The following ACO2 variants were observed in gnomAD, a reference collection of about 807,000 sequenced individuals.
ACO2 encodes the protein aconitase 2, also known as aconitate hydratase, mitochondrial.
A neutral mutation model predicts 84.5 loss-of-function variants in ACO2; 31 were observed. The observed-to-expected ratio is 0.37, with a 90% CI of 0.28 to 0.50. The LOEUF is 0.50. Ranked by LOEUF, ACO2 falls within the 20% of genes least tolerant of loss-of-function variation. The probability of loss-of-function intolerance (pLI) is 0.97; values close to 1 mark genes in which losing one functional copy is unlikely to be tolerated. For synonymous variants in ACO2, 414 were observed against 412.7 expected (o/e 1.00, Z -0.04); for missense variants, 685 against 1,029.3 (o/e 0.67, Z 4.58).
At chr22:41,497,941 C>T (rs550712426) in intron 1 of ACO2, among the ~76,000 whole-genome samples, 18 of 151,692 alleles carry the variant, frequency 1.2e-4, no homozygotes, top group Middle Eastern at 6.8e-3. Context: ...TTCAAGAGAT[C>T]GAGAACATCC....
intron 1 of ACO2, among the ~76,000 whole-genome samples, chr22:41,477,715 G>A (rs1054818277): frequency 6.6e-6 from 1 of 152,120 alleles, no homozygotes; most frequent in African/African-American, 2.4e-5. Flanking sequence ...TCCAGCCCCT[G>A]CAGATGGCCC....
chr22:41,523,053 A>T (rs1482810902), intron 10 of ACO2, 66 bp downstream of exon 10: 1 of 1,595,794 alleles, frequency 6.3e-7, no homozygotes, highest in African/African-American at 1.3e-5. Flanking sequence ...CAGGCGGCAC[A>T]AGCCCAGAGG....
At chr22:41,527,623 G>A (rs2066630008) in intron 16 of ACO2, 1 of 846,120 alleles carries the variant, frequency 1.2e-6, no homozygotes, top group South Asian at 1.8e-5. Flanking sequence ...CTGCTTCCAG[G>A]CTTGTAGATC....
intron 16 of ACO2, 40 bp from the exon 17 acceptor site, chr22:41,527,861 T>TAGTC: frequency 1.2e-6 from 2 of 1,614,010 alleles, no homozygotes; most frequent in Non-Finnish European, 1.7e-6. Flanking sequence ...CTCTCCAGGC[T>TAGTC]AGTCAGGCCC....
intron 12 of ACO2, 50 bp downstream of exon 12, chr22:41,523,991 T>C: frequency 6.5e-7 from 1 of 1,547,978 alleles, no homozygotes; most frequent in Non-Finnish European, 8.9e-7. Context: ...TGGGGGTCCC[T>C]GGCGGGTCAG....
At chr22:41,480,004 C>T (rs572269353) in intron 1 of ACO2, among the ~76,000 whole-genome samples, 1 of 152,222 alleles carries the variant, frequency 6.6e-6, no homozygotes, top group Non-Finnish European at 1.5e-5. Context: ...AAAAGGACTG[C>T]ATCACTTTTG....
At chr22:41,520,321 T>C in intron 9 of ACO2, 45 bp downstream of exon 9, 10 of 1,517,856 alleles carry the variant, frequency 6.6e-6, no homozygotes, top group Non-Finnish European at 8.2e-6. Flanking sequence ...TCAGGGCCAG[T>C]GGCTCTGCCC....
chr22:41,490,663 C>T (rs906469467), intron 1 of ACO2, among the ~76,000 whole-genome samples: 4 of 152,104 alleles, frequency 2.6e-5, no homozygotes, highest in African/African-American at 9.7e-5. Context: ...TATGTATTAC[C>T]TAATTGTCTT....
chr22:41,528,341 G>C (rs2066647435), intron 17 of ACO2, 138 bp from the exon 18 acceptor site: 1 of 1,277,560 alleles, frequency 7.8e-7, no homozygotes, highest in Admixed American at 2.5e-5. Flanking sequence ...TGGGCCATCA[G>C]GCACAGACTG....
chr22:41,484,074 T>C (rs1368267506), intron 1 of ACO2, among the ~76,000 whole-genome samples: 2 of 152,170 alleles, frequency 1.3e-5, no homozygotes, highest in Non-Finnish European at 2.9e-5. Flanking sequence ...TTTGTTGTCT[T>C]TGGGGCAGGG....
chr22:41,526,560 C>A, intron 15 of ACO2, 107 bp downstream of exon 15: 1 of 1,314,960 alleles, frequency 7.6e-7, no homozygotes, highest in Non-Finnish European at 1.0e-6. Flanking sequence ...GGAGGCCGAC[C>A]AAGCCCAAAG....
intron 1 of ACO2, among the ~76,000 whole-genome samples, chr22:41,491,040 C>G (rs2066268159): frequency 6.6e-6 from 1 of 151,834 alleles, no homozygotes; most frequent in East Asian, 1.9e-4. Context: ...TCTCATAGGG[C>G]TGGGGATTCG....
intron 12 of ACO2, 125 bp downstream of exon 12, chr22:41,524,066 C>A: frequency 1.3e-6 from 1 of 782,874 alleles, no homozygotes. Context: ...TACAGGCCTT[C>A]CCAGCCTCAG....
intron 1 of ACO2, among the ~76,000 whole-genome samples, chr22:41,478,790 G>T (rs1175993752): frequency 7.2e-6 from 1 of 139,316 alleles, no homozygotes; most frequent in African/African-American, 2.7e-5. Context: ...TTTTTGAGAA[G>T]GAGTCTCACT....
At chr22:41,478,319 GT>G (rs1294517132) in intron 1 of ACO2, among the ~76,000 whole-genome samples, 1 of 151,590 alleles carries the variant, frequency 6.6e-6, no homozygotes, top group Non-Finnish European at 1.5e-5. Flanking sequence ...TGTATTTTTT[GT>G]TTTAGTAGAG....
intron 2 of ACO2, among the ~76,000 whole-genome samples, chr22:41,505,686 A>G (rs962613577): frequency 6.6e-6 from 1 of 152,092 alleles, no homozygotes. Context: ...AAAATACTTA[A>G]GATAATGCTG....
chr22:41,526,718 A>G (rs2066605334), intron 15 of ACO2: 1 of 425,822 alleles, frequency 2.3e-6, no homozygotes, highest in Non-Finnish European at 4.2e-6. Flanking sequence ...GACAAAGACA[A>G]GGAAGGGGGC....
At chr22:41,480,210 C>T (rs1447023670) in intron 1 of ACO2, among the ~76,000 whole-genome samples, 1 of 152,156 alleles carries the variant, frequency 6.6e-6, no homozygotes, top group Admixed American at 6.5e-5. Flanking sequence ...TCCTGTGTTG[C>T]CCACTTAGAC....
intron 1 of ACO2, among the ~76,000 whole-genome samples, chr22:41,482,592 G>A (rs921845133): frequency 2.0e-5 from 3 of 152,234 alleles, no homozygotes; most frequent in Non-Finnish European, 4.4e-5. Context: ...GTGCTATAAC[G>A]ATGCTTAGGA....
Sources: allele counts gnomAD v4.1 joint callset (sites outside exome capture counted in the v4.1 genomes callset), GRCh38; gene constraint gnomAD v4.1.1; transcripts MANE v1.5; gene names NCBI Gene and HGNC (gene_info 2026-07-23, HGNC 2026-07-21).